Variants in DLGAP1 observed in about 807,000 individuals in gnomAD.
DLGAP1 encodes the protein disks large-associated protein 1.
In DLGAP1, 11 loss-of-function variants were observed where a neutral mutation model predicts 90.8. The ratio of observed to expected loss-of-function variants is 0.12; its 90% CI spans 0.08 to 0.20. DLGAP1 has a LOEUF of 0.20. DLGAP1 is among the 10% of genes least tolerant of loss of function. The probability of loss-of-function intolerance (pLI) is 1.00; values close to 1 mark genes in which losing one functional copy is unlikely to be tolerated. For missense variants in DLGAP1, 1,050 were observed against 1,333.8 expected, an observed-to-expected ratio of 0.79 and a Z score of 3.31; for synonymous variants, 558 against 540.7, an observed-to-expected ratio of 1.03 and a Z score of -0.44.
At chr18:4,320,481 C>T (rs2080655748) in intron 1 of DLGAP1, among the ~76,000 whole-genome samples, 1 of 152,154 alleles carries the variant, frequency 6.6e-6, no homozygotes, top group African/African-American at 2.4e-5. Flanking sequence ...TACACTGTGA[C>T]TCTCTTCTTA....
chr18:4,404,537 A>G (rs2082622671), intron 1 of DLGAP1, among the ~76,000 whole-genome samples: 2 of 152,216 alleles, frequency 1.3e-5, no homozygotes, highest in South Asian at 2.1e-4. Flanking sequence ...AAAACATACA[A>G]TATTACATAA....
intron 2 of DLGAP1, among the ~76,000 whole-genome samples, chr18:4,079,334 C>CACA (rs1555735798): frequency 7.4e-6 from 1 of 134,434 alleles, no homozygotes. Context: ...CACACACACA[C>CACA]ACCATGGAAT....
rs368695019 is a variant in DLGAP1, at chr18:4,154,987, C to T, written c.-266-3700G>A. 1.7e-4 allele frequency among the ~76,000 whole-genome samples: 26 copies of T among 152,098 alleles called. 2 individuals carry two copies. Among genetic ancestry groups the T allele is most frequent in the African/African-American group, 3.1e-4 (13 of 41,488 alleles). On this transcript the variant is annotated intron_variant, in intron 1 of 12. Coordinates refer to ENST00000315677, the MANE Select transcript of DLGAP1 (RefSeq NM_004746.4). ...TTATAGAGCAGTTCAGAAGGTGAAA[C>T]ATGCTATAGATGTGAGAAAAACAGA... is the stretch of plus-strand genomic sequence containing the variant.
intron 7 of DLGAP1, among the ~76,000 whole-genome samples, chr18:3,656,981 T>C (rs200780962): frequency 2.6e-5 from 4 of 152,094 alleles, no homozygotes; most frequent in South Asian, 2.1e-4. Flanking sequence ...CTCCTGACCT[T>C]GTGATCCGCC....
Position 4,378,629 on chromosome 18 carries a change from C to A in DLGAP1, c.-267+76377G>T, listed in dbSNP as rs2082060915. ...ATCCATGGTGGGGAGGCACACTACA[C>A]AATTTGAAAGCACCTAAGGTGCTCC... is the stretch of plus-strand genomic sequence containing the variant. On this transcript the variant is annotated intron_variant, in intron 1 of 12. Coordinates refer to ENST00000315677, the MANE Select transcript of DLGAP1 (RefSeq NM_004746.4). The surrounding 1 kb of genome is among the most constrained non-coding windows in gnomAD (Gnocchi z 4.5). 1.3e-5 allele frequency among the ~76,000 whole-genome samples: 2 copies of A among 152,138 alleles called. No homozygotes were observed. Among genetic ancestry groups the A allele is most frequent in the African/African-American group, 4.8e-5 (2 of 41,434 alleles).
chr18:4,348,161 G>C (rs1402144835), intron 1 of DLGAP1, among the ~76,000 whole-genome samples: 2 of 152,222 alleles, frequency 1.3e-5, no homozygotes, highest in East Asian at 3.9e-4. Flanking sequence ...TTAAAGGTTT[G>C]TTTTTCAGAG....
intron 2 of DLGAP1, among the ~76,000 whole-genome samples, chr18:4,141,417 A>G (rs2076492736): frequency 6.6e-6 from 1 of 152,054 alleles, no homozygotes; most frequent in Admixed American, 6.5e-5. Context: ...AAAACAGAAG[A>G]ATACACAAGC....
chr18:4,321,219 C>T (rs1363663148), intron 1 of DLGAP1, among the ~76,000 whole-genome samples: 5 of 152,120 alleles, frequency 3.3e-5, no homozygotes, highest in Non-Finnish European at 7.4e-5. Context: ...AAGATTAATG[C>T]TAACATAAAA....
chr18:4,160,984 A>C (rs2076834286), intron 1 of DLGAP1, among the ~76,000 whole-genome samples: 1 of 151,608 alleles, frequency 6.6e-6, no homozygotes, highest in Admixed American at 6.6e-5. Flanking sequence ...TCTTTTTGTC[A>C]TTATGCTACA....
intron 3 of DLGAP1, among the ~76,000 whole-genome samples, chr18:3,912,531 C>T (rs1039064384): frequency 6.6e-6 from 1 of 152,038 alleles, no homozygotes; most frequent in Admixed American, 6.6e-5. Context: ...AGCTTACAGT[C>T]TAGTGGAAGA....
At chr18:3,718,035 G>A (rs11081069) in intron 7 of DLGAP1, among the ~76,000 whole-genome samples, 32,434 of 152,084 alleles carry the variant, frequency 0.21, 3,641 homozygotes, top group East Asian at 0.36. Context: ...TTCTGAGAAC[G>A]AGAACAGCTC....
intron 2 of DLGAP1, among the ~76,000 whole-genome samples, chr18:4,128,360 T>C (rs767194203): frequency 1.3e-4 from 20 of 152,172 alleles, no homozygotes; most frequent in Non-Finnish European, 2.1e-4. Context: ...TACATCATTT[T>C]ATACAAGAGA....
At chr18:3,502,700 A>AG in intron 11 of DLGAP1, 55 bp from the exon 12 acceptor site, 1 of 1,548,814 alleles carries the variant, frequency 6.5e-7, no homozygotes, top group Non-Finnish European at 8.7e-7. Context: ...TGACAAGCAC[A>AG]GGGCCAAAAA....
intron 5 of DLGAP1, among the ~76,000 whole-genome samples, chr18:3,763,451 C>T (rs569575312): frequency 6.6e-6 from 1 of 152,250 alleles, no homozygotes; most frequent in South Asian, 2.1e-4. Flanking sequence ...AGTCAATACT[C>T]TTTAATAAAC....
chr18:4,294,170 C>T (rs974950349), intron 1 of DLGAP1: 3 of 152,198 alleles, frequency 2.0e-5, no homozygotes, highest in Admixed American at 6.5e-5. Flanking sequence ...CATATTGCCT[C>T]CTCATTCTTC....
intron 12 of DLGAP1, among the ~76,000 whole-genome samples, chr18:3,500,564 G>C (rs1033723489): frequency 6.6e-6 from 1 of 152,278 alleles, no homozygotes; most frequent in East Asian, 1.9e-4. Flanking sequence ...CCCACCGGCT[G>C]TCTAAGGTGG....
chr18:3,928,531 C>T (rs948850766), intron 3 of DLGAP1, among the ~76,000 whole-genome samples: 9 of 152,016 alleles, frequency 5.9e-5, no homozygotes, highest in African/African-American at 1.2e-4. Context: ...AGAATAGCTC[C>T]GTCATATAGA....
intron 2 of DLGAP1, among the ~76,000 whole-genome samples, chr18:4,028,807 A>C (rs1010693814): frequency 6.6e-6 from 1 of 152,184 alleles, no homozygotes; most frequent in Non-Finnish European, 1.5e-5. Flanking sequence ...AGTTTTCTCA[A>C]ATGCATCACA....
At chr18:3,976,218 T>TAATAATAAC (rs1393633575) in intron 3 of DLGAP1, among the ~76,000 whole-genome samples, 1 of 149,046 alleles carries the variant, frequency 6.7e-6, no homozygotes, top group African/African-American at 2.5e-5. Flanking sequence ...ATAATAATAA[T>TAATAATAAC]AACGATAATT....
Sources: allele counts gnomAD v4.1 joint callset (sites outside exome capture counted in the v4.1 genomes callset), GRCh38; gene constraint gnomAD v4.1.1; non-coding constraint Gnocchi (gnomAD v3.1); transcripts MANE v1.5; gene names NCBI Gene and HGNC (gene_info 2026-07-23, HGNC 2026-07-21).